The following GOLGA1 variants were observed in gnomAD, a reference collection of about 807,000 sequenced individuals.
GOLGA1 encodes the protein golgin subfamily A member 1.
A neutral mutation model predicts 119.7 loss-of-function variants in GOLGA1; 63 were observed. The ratio of observed to expected loss-of-function variants is 0.53; its 90% CI spans 0.43 to 0.65. The LOEUF is 0.65. Among genes scored for constraint, GOLGA1 ranks in the 30% least tolerant of loss-of-function variants. GOLGA1 has a pLI of 0.00. For synonymous variants in GOLGA1, 318 were observed against 333.4 expected (o/e 0.95, Z 0.50); for missense variants, 798 against 912.8 (o/e 0.87, Z 1.62).
rs1251268180 is a variant in GOLGA1 at position 124,916,614 on chromosome 9, C to G, written c.843+4515G>C. ...ACAAGCCAGGCAAAGTGGCTCATGC[C>G]TGTAATCCCAGGACTTTGGGAGGCT... On this transcript the variant is annotated intron_variant, in intron 10 of 22. Coordinates refer to ENST00000373555, the MANE Select transcript of GOLGA1 (RefSeq NM_002077.4). Among the ~76,000 whole-genome samples the G allele has an allele frequency of 2.0e-5, 3 of 152,158 alleles. No homozygotes were observed. The East Asian group carries it at 5.8e-4, about 29-fold the overall frequency.
rs2131544682 is a variant in GOLGA1, at chr9:124,938,639, T to C, written c.73A>G (p.Ile25Val). The C allele has an allele frequency of 1.2e-6, 2 of 1,613,474 alleles. No homozygotes were observed. The highest frequency in any genetic ancestry group is 4.5e-5 in the East Asian group (2 of 44,888). The change falls in exon 3 of 23, where the codon ATC (isoleucine) becomes GTC (valine). Residue 25 changes from isoleucine (I) to valine (V), a missense_variant. By Grantham distance (29) the Ile-to-Val change is conservative. Transcript: ENST00000373555. ...GATTCCTTGCTCACAGACCGTGGGA[T>C]CCTAGTAGCACCTCCTGGCCTCTGA... Reference protein sequence around the residue: ...VAQRPGGATRIPRSVSKESVA... With the variant: ...VAQRPGGATRVPRSVSKESVA...
rs1396230067 is a variant in GOLGA1, at chr9:124,889,309, T to C, written c.1601-6A>G. On this transcript the variant is annotated splice_region_variant and splice_polypyrimidine_tract_variant and intron_variant, in intron 17 of 22. Transcript: ENST00000373555. ...CAGCAGGGCAGAGTTGTGACCTAGGTCGGGGAGGAGGGGAGGGGGCACTGT... is the reference window on the plus strand; with the variant it reads ...CAGCAGGGCAGAGTTGTGACCTAGGCCGGGGAGGAGGGGAGGGGGCACTGT... 3 of 1,612,684 alleles carry C rather than the reference T, an allele frequency of 1.9e-6. No homozygotes were observed. Among genetic ancestry groups the C allele is most frequent in the Non-Finnish European group, 2.5e-6 (3 of 1,179,210 alleles).
chr9:124,893,071 C>G (rs1673954588), intron 15 of GOLGA1, among the ~76,000 whole-genome samples: 1 of 152,116 alleles, frequency 6.6e-6, no homozygotes, highest in Non-Finnish European at 1.5e-5. Flanking sequence ...GTGATGATAG[C>G]TCACTGCAGC....
In GOLGA1 at chr9:124,880,322, G is replaced by A. The variant is rs1829546028; in HGVS notation, c.*208C>T. On this transcript the variant is annotated 3_prime_UTR_variant, in exon 23 of 23. Transcript: ENST00000373555. ...ATCTGGGTAGTGCCAGGACCCTCCTGTTTGGTGACCAGAATGACAGGATCA... is the reference window on the plus strand; with the variant it reads ...ATCTGGGTAGTGCCAGGACCCTCCTATTTGGTGACCAGAATGACAGGATCA... 8.9e-6 allele frequency: 4 copies of A among 451,408 alleles called. No homozygotes were observed. Among genetic ancestry groups the A allele is most frequent in the Non-Finnish European group, 1.7e-5 (4 of 240,584 alleles). The allele number at this position is 451,408 out of a possible 1,614,324, so 28.0% of individuals were successfully genotyped here.
intron 12 of GOLGA1, among the ~76,000 whole-genome samples, chr9:124,901,415 C>T (rs922493217): frequency 1.3e-5 from 2 of 150,298 alleles, no homozygotes; most frequent in Non-Finnish European, 1.5e-5. Context: ...GGACTACAAG[C>T]GCACGCCACC....
At chr9:124,932,391 G>A (rs1392730045) in intron 3 of GOLGA1, among the ~76,000 whole-genome samples, 1 of 152,170 alleles carries the variant, frequency 6.6e-6, no homozygotes, top group East Asian at 1.9e-4. Flanking sequence ...AATATGTACT[G>A]AGAGTCAGGA....
chr9:124,889,035 G>A (rs1390105209), intron 18 of GOLGA1, 108 bp downstream of exon 18: 1 of 821,202 alleles, frequency 1.2e-6, no homozygotes, highest in African/African-American at 1.7e-5. Flanking sequence ...CTACATGCAG[G>A]GGAGCGTCGT....
At chr9:124,889,656 C>T in intron 16 of GOLGA1, 120 bp from the exon 17 acceptor site, 1 of 748,860 alleles carries the variant, frequency 1.3e-6, no homozygotes, top group Non-Finnish European at 2.4e-6. Context: ...GTCCACGACC[C>T]AGAGCAAACC....
chr9:124,916,877 C>CACACAA (rs1359322100), intron 10 of GOLGA1, among the ~76,000 whole-genome samples: 6 of 41,218 alleles, frequency 1.5e-4, no homozygotes, highest in Non-Finnish European at 2.5e-4. Flanking sequence ...CCCTGACACA[C>CACACAA]AAAAAAAAAA....
At chr9:124,943,927 CTATT>C (rs1278173517), upstream of GOLGA1, 2 of 152,296 alleles carry the variant, frequency 1.3e-5, 1 homozygote, top group African/African-American at 4.8e-5. Flanking sequence ...AATGAAATCA[CTATT>C]TATACTGGTG....
intron 10 of GOLGA1, among the ~76,000 whole-genome samples, chr9:124,916,711 A>G (rs1341617719): frequency 6.6e-6 from 1 of 151,832 alleles, no homozygotes; most frequent in East Asian, 1.9e-4. Flanking sequence ...TTAACTATAA[A>G]AAAATTTTTT....
chr9:124,939,712 G>A (rs146307679), intron 2 of GOLGA1, among the ~76,000 whole-genome samples: 4 of 151,792 alleles, frequency 2.6e-5, no homozygotes, highest in South Asian at 2.1e-4. Flanking sequence ...ACAGGAATGC[G>A]CCACTATGCC....
At chr9:124,886,268 CAG>C (rs1408497732) in intron 19 of GOLGA1, among the ~76,000 whole-genome samples, 1 of 152,158 alleles carries the variant, frequency 6.6e-6, no homozygotes, top group Non-Finnish European at 1.5e-5. Context: ...GCGCACAGTG[CAG>C]AGAAGAGCTG....
Position 124,938,583 on chromosome 9 carries a change from A to G in GOLGA1, c.129T>C (p.Asp43=). The G allele has an allele frequency of 1.2e-6, 2 of 1,611,714 alleles. No homozygotes were observed. The highest frequency in any genetic ancestry group is 1.1e-5 in the South Asian group (1 of 90,884). ...SVASMGADSG[D]DFASDGSSSR... ...CTTAAGTAAAGGTACTTACAAAGTCATCTCCTGAGTCAGCTCCCATTGAGG... is the reference window on the plus strand; with the variant it reads ...CTTAAGTAAAGGTACTTACAAAGTCGTCTCCTGAGTCAGCTCCCATTGAGG... Residue 43 remains aspartate (D), a synonymous_variant, in exon 3 of 23, where the codon GAT becomes GAC. Coordinates refer to ENST00000373555, the MANE Select transcript of GOLGA1 (RefSeq NM_002077.4).
chr9:124,907,021 T>A (rs984382136), intron 12 of GOLGA1, among the ~76,000 whole-genome samples: 8 of 151,724 alleles, frequency 5.3e-5, no homozygotes, highest in African/African-American at 1.9e-4. Context: ...CTCAAAAACT[T>A]AAAAATTTTA....
At chr9:124,907,107 A>G (rs1830250101) in intron 12 of GOLGA1, among the ~76,000 whole-genome samples, 1 of 152,232 alleles carries the variant, frequency 6.6e-6, no homozygotes, top group South Asian at 2.1e-4. Flanking sequence ...GATATAGTAC[A>G]GATATCACTA....
chr9:124,922,138 G>C (rs1000909954), intron 8 of GOLGA1, among the ~76,000 whole-genome samples: 2 of 151,628 alleles, frequency 1.3e-5, no homozygotes, highest in African/African-American at 4.8e-5. Context: ...TGAGGCGGGA[G>C]AATCACTTGA....
intron 12 of GOLGA1, among the ~76,000 whole-genome samples, chr9:124,904,211 AC>A (rs1183934938): frequency 6.6e-6 from 1 of 152,200 alleles, no homozygotes; most frequent in Non-Finnish European, 1.5e-5. Context: ...GATTCCACCA[AC>A]AGGAGGTATC....
intron 6 of GOLGA1, 131 bp downstream of exon 6, chr9:124,928,057 C>A: frequency 1.9e-6 from 1 of 513,916 alleles, no homozygotes; most frequent in Admixed American, 3.9e-5. Context: ...CAAAGAAAAC[C>A]TTAACGAACT....
Sources: allele counts gnomAD v4.1 joint callset (sites outside exome capture counted in the v4.1 genomes callset), GRCh38; gene constraint gnomAD v4.1.1; transcripts MANE v1.5; gene names NCBI Gene and HGNC (gene_info 2026-07-23, HGNC 2026-07-21).